The following THSD4 variants were observed in gnomAD, a reference collection of about 807,000 sequenced individuals.
The protein encoded by THSD4 is thrombospondin type-1 domain-containing protein 4.
A neutral mutation model predicts 119.0 loss-of-function variants in THSD4; 69 were observed. That is an observed-to-expected ratio of 0.58 (90% CI 0.48 to 0.71). The LOEUF is 0.71. THSD4 is among the 30% of genes least tolerant of loss of function. The pLI, the probability that THSD4 is intolerant of heterozygous loss-of-function variation, is 0.00. For missense variants in THSD4, 1,393 were observed against 1,391.1 expected (o/e 1.00, Z -0.02); for synonymous variants, 524 against 540.4 (o/e 0.97, Z 0.42).
At chr15:71,701,119 G>T (rs1031955519) in intron 8 of THSD4, among the ~76,000 whole-genome samples, 4 of 152,096 alleles carry the variant, frequency 2.6e-5, no homozygotes, top group Admixed American at 6.6e-5. Context: ...TCTGAACAAA[G>T]TGCTAATAGC....
intron 7 of THSD4, among the ~76,000 whole-genome samples, chr15:71,657,023 T>C (rs149338651): frequency 1.1e-4 from 17 of 152,286 alleles, no homozygotes; most frequent in African/African-American, 4.1e-4. Context: ...GCTGGGATAT[T>C]GCAACATCCT....
In THSD4 at chr15:71,265,766, G is replaced by C. The variant is rs113323718; in HGVS notation, c.1015+9051G>C. 9.1e-3 allele frequency among the ~76,000 whole-genome samples: 1,385 copies of C among 151,848 alleles called. 38 individuals carry two copies. The highest frequency in any genetic ancestry group is 0.053 in the Admixed American group (813 of 15,256). On this transcript the variant is annotated intron_variant, in intron 6 of 17. Transcript: ENST00000261862. ...TCGACCTTAGACGCTTGAGCTTTGT[G>C]GGGGGGGAGGGGCATCTGCCATTAC... is the stretch of plus-strand genomic sequence containing the variant.
At chr15:71,240,973 A>T (rs1464595481) in intron 4 of THSD4, among the ~76,000 whole-genome samples, 1 of 152,328 alleles carries the variant, frequency 6.6e-6, no homozygotes, top group East Asian at 1.9e-4. Flanking sequence ...GTTTAATTCC[A>T]TATCAGCTAA....
At chr15:71,256,155 T>G (rs2140287952) in intron 5 of THSD4, among the ~76,000 whole-genome samples, 1 of 152,264 alleles carries the variant, frequency 6.6e-6, no homozygotes, top group South Asian at 2.1e-4. Context: ...AACCCAGTAG[T>G]TTAGGTAGAA....
intron 3 of THSD4, among the ~76,000 whole-genome samples, chr15:71,180,504 CA>C (rs141217931): frequency 0.014 from 2,074 of 152,220 alleles, 56 homozygotes; most frequent in African/African-American, 0.048. Flanking sequence ...GTGGTGGTTT[CA>C]GGGGGGAATA....
chr15:71,139,322 C>T (rs995268346), intron 1 of THSD4, among the ~76,000 whole-genome samples: 6 of 152,190 alleles, frequency 3.9e-5, no homozygotes, highest in Non-Finnish European at 4.4e-5. Context: ...AGCCTACCAC[C>T]TATTGAGTAA....
intron 6 of THSD4, among the ~76,000 whole-genome samples, chr15:71,291,221 T>A (rs1326266155): frequency 2.0e-5 from 3 of 152,214 alleles, no homozygotes; most frequent in Non-Finnish European, 1.5e-5. Flanking sequence ...TTCACTACAG[T>A]TCTTTCATAT....
chr15:71,746,278 T>G (rs1191014112), intron 12 of THSD4, among the ~76,000 whole-genome samples: 1 of 152,232 alleles, frequency 6.6e-6, no homozygotes, highest in Non-Finnish European at 1.5e-5. Context: ...TTTTCAGTTT[T>G]CTATAACTTT....
chr15:71,295,098 T>C (rs1229447507), intron 6 of THSD4, among the ~76,000 whole-genome samples: 1 of 152,052 alleles, frequency 6.6e-6, no homozygotes, highest in Non-Finnish European at 1.5e-5. Context: ...AGCCTTAAGA[T>C]AAACAGATTG....
At chr15:71,276,150 G>A (rs1427196763) in intron 6 of THSD4, among the ~76,000 whole-genome samples, 2 of 152,208 alleles carry the variant, frequency 1.3e-5, no homozygotes, top group Non-Finnish European at 2.9e-5. Context: ...GAGGTGGGAA[G>A]GTGCACCCCT....
chr15:71,140,040 T>A (rs1233278198), intron 1 of THSD4, among the ~76,000 whole-genome samples: 1 of 152,254 alleles, frequency 6.6e-6, no homozygotes, highest in Non-Finnish European at 1.5e-5. Flanking sequence ...TTTTGTTTAG[T>A]GAGGGCTTCT....
At position 71,216,122 on chromosome 15, in the gene THSD4, C is replaced by A. The variant is rs144732867; in HGVS notation, c.464+723C>A. On this transcript the variant is annotated intron_variant, in intron 4 of 17. Coordinates refer to ENST00000261862, the MANE Select transcript of THSD4 (RefSeq NM_024817.3). ...ATACTAACAGATCACTGCATTCATCCGGCAGTATTTGTTGGGTGTCTTAGT... is the reference window on the plus strand; with the variant it reads ...ATACTAACAGATCACTGCATTCATCAGGCAGTATTTGTTGGGTGTCTTAGT... 4.6e-5 allele frequency among the ~76,000 whole-genome samples: 7 copies of A among 152,324 alleles called. No homozygotes were observed. In the East Asian group the frequency reaches 1.3e-3, roughly 29 times the overall value.
chr15:71,513,421 T>G (rs545496773), intron 7 of THSD4, among the ~76,000 whole-genome samples: 7 of 152,172 alleles, frequency 4.6e-5, no homozygotes, highest in Non-Finnish European at 7.3e-5. Flanking sequence ...TCAATAAGAC[T>G]AACAACTTAA....
intron 6 of THSD4, among the ~76,000 whole-genome samples, chr15:71,301,301 T>C (rs1329893851): frequency 6.6e-6 from 1 of 152,268 alleles, no homozygotes; most frequent in Non-Finnish European, 1.5e-5. Context: ...TAACAATATG[T>C]TGTAAACAGC....
At chr15:71,141,693 T>C (rs1596220670) in intron 2 of THSD4, 137 bp downstream of exon 2, 2 of 1,035,976 alleles carry the variant, frequency 1.9e-6, no homozygotes, top group East Asian at 2.6e-5. Flanking sequence ...CGTCCACTTG[T>C]GTAAAAGTTT....
At chr15:71,294,618 T>A (rs1174604889) in intron 6 of THSD4, among the ~76,000 whole-genome samples, 2 of 152,170 alleles carry the variant, frequency 1.3e-5, no homozygotes, top group African/African-American at 4.8e-5. Context: ...AACCTACTCT[T>A]ACTCCACAAT....
chr15:71,645,733 G>C (rs1019238783), intron 7 of THSD4, among the ~76,000 whole-genome samples: 1 of 152,214 alleles, frequency 6.6e-6, no homozygotes, highest in Non-Finnish European at 1.5e-5. Context: ...AAAACAAAAT[G>C]TTTGGGAGAG....
intron 7 of THSD4, among the ~76,000 whole-genome samples, chr15:71,468,465 ACAC>A (rs1566995090): frequency 6.6e-6 from 1 of 152,182 alleles, no homozygotes; most frequent in East Asian, 1.9e-4. Flanking sequence ...CATGTCCAAA[ACAC>A]CACCAGAGGT....
intron 3 of THSD4, among the ~76,000 whole-genome samples, chr15:71,204,246 G>C (rs2043826027): frequency 6.6e-6 from 1 of 152,184 alleles, no homozygotes; most frequent in African/African-American, 2.4e-5. Flanking sequence ...AAAGAGTCAG[G>C]TCAATTTCAG....
Sources: gnomAD v4.1 joint callset for allele counts (sites outside exome capture counted in the v4.1 genomes callset) on GRCh38, gnomAD v4.1.1 for gene constraint, MANE v1.5 for transcripts, NCBI Gene and HGNC (gene_info 2026-07-23, HGNC 2026-07-21) for gene names.